The following POU2AF2 variants were observed in gnomAD, a reference collection of about 807,000 sequenced individuals.
POU2AF2 encodes POU domain class 2-associating factor 2.
At chr11:111,275,976 C>T in the POU2AF2 span, among the ~76,000 whole-genome samples, 2 of 151,996 alleles carry the variant, frequency 1.3e-5, no homozygotes, top group Admixed American at 1.3e-4. Flanking sequence ...GAAAGAATCA[C>T]AGACACAGAG....
chr11:111,272,621 A>T, the POU2AF2 span, among the ~76,000 whole-genome samples: 382 of 151,916 alleles, frequency 2.5e-3, 3 homozygotes, highest in African/African-American at 8.8e-3. Flanking sequence ...CTCAACCACA[A>T]CCCTTATTTC....
the POU2AF2 span, among the ~76,000 whole-genome samples, chr11:111,269,503 C>T: frequency 1.3e-5 from 2 of 152,188 alleles, no homozygotes; most frequent in South Asian, 2.1e-4. Context: ...TTCAGCTGCT[C>T]TATTGGTTCT....
the POU2AF2 span, among the ~76,000 whole-genome samples, chr11:111,267,901 C>G: frequency 6.6e-6 from 1 of 152,150 alleles, no homozygotes; most frequent in African/African-American, 2.4e-5. Flanking sequence ...TACCAATGCC[C>G]TCATTTCCTA....
chr11:111,264,038 T>A, the POU2AF2 span, among the ~76,000 whole-genome samples: 7 of 152,142 alleles, frequency 4.6e-5, no homozygotes, highest in Non-Finnish European at 1.0e-4. Flanking sequence ...AGAAATTCAT[T>A]GCCCTTAAGA....
chr11:111,277,210 A>G, the POU2AF2 span, among the ~76,000 whole-genome samples: 1 of 152,240 alleles, frequency 6.6e-6, no homozygotes, highest in Non-Finnish European at 1.5e-5. Flanking sequence ...GAATGAAAAC[A>G]GAGAGTACAA....
chr11:111,262,709 TG>T, the POU2AF2 span, among the ~76,000 whole-genome samples: 2 of 152,228 alleles, frequency 1.3e-5, no homozygotes, highest in African/African-American at 2.4e-5. Context: ...TTCTCTTCTC[TG>T]AGCCTCAGTG....
the POU2AF2 span, among the ~76,000 whole-genome samples, chr11:111,253,232 C>A: frequency 6.6e-6 from 1 of 152,160 alleles, no homozygotes; most frequent in Non-Finnish European, 1.5e-5. Context: ...AGCTTCCAAA[C>A]CTGTGTGTCA....
At chr11:111,269,243 C>T in the POU2AF2 span, among the ~76,000 whole-genome samples, 1 of 151,980 alleles carries the variant, frequency 6.6e-6, no homozygotes, top group Non-Finnish European at 1.5e-5. Context: ...GTCTAGTAAA[C>T]TCAAAACACC....
At chr11:111,272,167 C>T in the POU2AF2 span, among the ~76,000 whole-genome samples, 2 of 152,174 alleles carry the variant, frequency 1.3e-5, no homozygotes, top group African/African-American at 4.8e-5. Context: ...GCAACAATAG[C>T]CCTTAAACTG....
chr11:111,249,822 G>T, the POU2AF2 span, among the ~76,000 whole-genome samples: 1 of 151,602 alleles, frequency 6.6e-6, no homozygotes, highest in South Asian at 2.1e-4. Flanking sequence ...CCTCTCCTCC[G>T]TGCACCCCTA....
chr11:111,264,536 GAAAGAAAGA>G, the POU2AF2 span, among the ~76,000 whole-genome samples: 6 of 63,028 alleles, frequency 9.5e-5, no homozygotes, highest in East Asian at 2.1e-3. Context: ...AAGAAAGAAA[GAAAGAAAGA>G]AAGAAAGAAA....
the POU2AF2 span, among the ~76,000 whole-genome samples, chr11:111,249,536 C>T: frequency 6.6e-6 from 1 of 152,174 alleles, no homozygotes; most frequent in South Asian, 2.1e-4. Flanking sequence ...TGTCACCACC[C>T]AAACTCCCAT....
the POU2AF2 span, among the ~76,000 whole-genome samples, chr11:111,256,700 C>T: frequency 1.3e-5 from 2 of 152,194 alleles, no homozygotes; most frequent in African/African-American, 2.4e-5. Context: ...CCAGCAGGCG[C>T]GCCAGGAGCT....
chr11:111,278,005 C>T, the POU2AF2 span, among the ~76,000 whole-genome samples: 1 of 152,170 alleles, frequency 6.6e-6, no homozygotes, highest in Non-Finnish European at 1.5e-5. Flanking sequence ...TATTAAGGGA[C>T]CTACTTCTGA....
chr11:111,271,724 C>CA, the POU2AF2 span, among the ~76,000 whole-genome samples: 1 of 152,046 alleles, frequency 6.6e-6, no homozygotes, highest in Non-Finnish European at 1.5e-5. Context: ...GTACCTGGCA[C>CA]AAAAAAGGCT....
chr11:111,255,931 C>T, the POU2AF2 span: 3 of 398,792 alleles, frequency 7.5e-6, no homozygotes, highest in Non-Finnish European at 1.3e-5. Context: ...CCTTTGGGAG[C>T]TTAACCTAAT....
the POU2AF2 span, among the ~76,000 whole-genome samples, chr11:111,275,900 A>C: frequency 1.3e-5 from 2 of 152,204 alleles, no homozygotes; most frequent in African/African-American, 4.8e-5. Context: ...CTACAGTTGA[A>C]TAAAGAATTA....
the POU2AF2 span, among the ~76,000 whole-genome samples, chr11:111,258,158 A>G: frequency 2.0e-5 from 3 of 152,086 alleles, no homozygotes; most frequent in Non-Finnish European, 2.9e-5. Flanking sequence ...ATCAATCCAA[A>G]TCTAGTCTCT....
the POU2AF2 span, chr11:111,284,315 G>A: frequency 1.2e-6 from 2 of 1,610,758 alleles, no homozygotes; most frequent in East Asian, 2.2e-5. Flanking sequence ...TCTGTTCAGC[G>A]CCTCGCCCCT....
Sources: allele counts gnomAD v4.1 joint callset (sites outside exome capture counted in the v4.1 genomes callset), GRCh38; gene constraint gnomAD v4.1.1; transcripts MANE v1.5; gene names NCBI Gene and HGNC (gene_info 2026-07-23, HGNC 2026-07-21).